Variants in ZNF728 observed in about 807,000 individuals in gnomAD.
The protein encoded by ZNF728 is zinc finger protein 728.
In ZNF728, 12 loss-of-function variants were observed where a neutral mutation model predicts 12.5. That is an observed-to-expected ratio of 0.96 (90% CI 0.61 to 1.55). The LOEUF (loss-of-function observed/expected upper bound fraction) is 1.55, where lower values mean the gene tolerates loss of function less well. ZNF728 is among the 40% of genes most tolerant of loss of function. The probability of loss-of-function intolerance (pLI) is 0.00; values close to 1 mark genes in which losing one functional copy is unlikely to be tolerated. For missense variants in ZNF728, 692 were observed against 719.2 expected (o/e 0.96, Z 0.43); for synonymous variants, 205 against 240.7 (o/e 0.85, Z 1.37).
At chr19:22,995,591 C>T (rs989461774) in intron 1 of ZNF728, 1 of 152,206 alleles carries the variant, frequency 6.6e-6, no homozygotes, top group Non-Finnish European at 1.5e-5. Context: ...GCACGCGCCA[C>T]CACACCCAGC....
intron 1 of ZNF728, among the ~76,000 whole-genome samples, chr19:22,990,509 C>A (rs1350965428): frequency 6.7e-6 from 1 of 149,816 alleles, no homozygotes; most frequent in African/African-American, 2.5e-5. Flanking sequence ...ATATGCTTTT[C>A]TTTATTTTGT....
At chr19:22,993,725 A>C (rs1247069064) in intron 1 of ZNF728, among the ~76,000 whole-genome samples, 1 of 152,214 alleles carries the variant, frequency 6.6e-6, no homozygotes, top group African/African-American at 2.4e-5. Context: ...AGGATATGGA[A>C]TACAGTGTCC....
intron 3 of ZNF728, among the ~76,000 whole-genome samples, chr19:22,981,917 A>G (rs1276942062): frequency 3.3e-5 from 5 of 152,160 alleles, no homozygotes; most frequent in Admixed American, 2.6e-4. Context: ...ACCCACAGAC[A>G]ATGTCATACT....
At chr19:23,000,885 A>AC (rs1678919987) in intron 1 of ZNF728, among the ~76,000 whole-genome samples, 1 of 116,306 alleles carries the variant, frequency 8.6e-6, no homozygotes, top group Non-Finnish European at 1.6e-5. Flanking sequence ...AAAAAAAAAA[A>AC]CCAAAAAAAA....
At chr19:22,993,953 AG>A (rs757746558) in intron 1 of ZNF728, among the ~76,000 whole-genome samples, 9 of 152,270 alleles carry the variant, frequency 5.9e-5, no homozygotes, top group Admixed American at 2.6e-4. Context: ...CTGCAAATTC[AG>A]GTCCTGCATG....
In ZNF728 at chr19:22,976,001, G is replaced by T. The variant is rs557869573; in HGVS notation, c.1336C>A (p.His446Asn). The part of the protein sequence containing the change: ...FSSLTKHKVI[H>N]TGEKHYKCEE... ...CATTTGTAGTGTTTCTCTCCAGTAT[G>T]AATTACTTTATGTTTAGTAAGGCTC... The change falls in exon 4 of 4, where the codon CAT becomes AAT. Residue 446 changes from histidine to asparagine, a missense_variant. His to Asn is a moderately conservative substitution (Grantham distance 68). Coordinates refer to ENST00000594710, the MANE Select transcript of ZNF728 (RefSeq NM_001267716.2). 6 of 1,611,862 alleles carry T rather than the reference G, an allele frequency of 3.7e-6. No individual in the cohort carries two copies. In the African/African-American group the frequency reaches 6.7e-5, roughly 18 times the overall value.
chr19:22,985,193 A>G (rs1464385535), intron 3 of ZNF728, among the ~76,000 whole-genome samples: 2 of 152,236 alleles, frequency 1.3e-5, no homozygotes, highest in Admixed American at 1.3e-4. Flanking sequence ...GAAATGAGTC[A>G]GCTGCAAAAA....
chr19:23,001,338 C>A (rs540399307), intron 1 of ZNF728, among the ~76,000 whole-genome samples: 52 of 152,136 alleles, frequency 3.4e-4, no homozygotes, highest in South Asian at 2.9e-3. Flanking sequence ...AGTAGCTTTC[C>A]AAAAAAACAG....
chr19:22,985,905 A>G (rs1225113404), intron 3 of ZNF728: 2 of 156,724 alleles, frequency 1.3e-5, no homozygotes, highest in Non-Finnish European at 2.8e-5. Flanking sequence ...CCACATCCTA[A>G]TATAAAGCCC....
At chr19:22,981,654 G>A (rs1391503816) in intron 3 of ZNF728, among the ~76,000 whole-genome samples, 2 of 152,254 alleles carry the variant, frequency 1.3e-5, no homozygotes, top group East Asian at 1.9e-4. Context: ...ACTGAATCCA[G>A]CAGCACATCA....
rs1968809472 is a variant in ZNF728, at chr19:22,976,846, T to TTA, written c.489_490dup (p.Lys164IlefsTer3). ...AAGTTTCTTTCCAGTATGCCTTATCTTATGTCTTTTTGAATTTGAACATTT... is the reference window on the plus strand; with the variant it reads ...AAGTTTCTTTCCAGTATGCCTTATCTTATATGTCTTTTTGAATTTGAACATTT... On this transcript the variant is annotated frameshift_variant, in exon 4 of 4. Coordinates refer to ENST00000594710, the MANE Select transcript of ZNF728 (RefSeq NM_001267716.2). LOFTEE classifies it low-confidence loss of function (END_TRUNC). 4.3e-6 allele frequency: 7 copies of TTA among 1,613,346 alleles called. No homozygotes were observed. Among genetic ancestry groups the TTA allele is most frequent in the South Asian group, 1.1e-5 (1 of 91,074 alleles).
At chr19:22,977,949 C>T (rs1568274180) in intron 3 of ZNF728, among the ~76,000 whole-genome samples, 1 of 151,614 alleles carries the variant, frequency 6.6e-6, no homozygotes. Flanking sequence ...TTGAATAATA[C>T]TCTGAGTGAA....
At chr19:22,980,607 C>G (rs1384706586) in intron 3 of ZNF728, among the ~76,000 whole-genome samples, 1 of 152,120 alleles carries the variant, frequency 6.6e-6, no homozygotes, top group African/African-American at 2.4e-5. Context: ...CACACTTATT[C>G]TAAAACTGAC....
intron 1 of ZNF728, 83 bp from the exon 2 acceptor site, chr19:22,988,534 G>A: frequency 6.4e-7 from 1 of 1,568,890 alleles, no homozygotes; most frequent in Non-Finnish European, 8.6e-7. Flanking sequence ...AATGGAAAGA[G>A]TAAAAAGAGC....
chr19:23,000,821 T>C (rs532301811), intron 1 of ZNF728, among the ~76,000 whole-genome samples: 47 of 144,030 alleles, frequency 3.3e-4, no homozygotes, highest in Admixed American at 3.2e-3. Flanking sequence ...TGAGCCAAGA[T>C]TGCACCACTG....
intron 1 of ZNF728, among the ~76,000 whole-genome samples, chr19:22,997,244 C>G (rs1969059617): frequency 6.6e-6 from 1 of 152,142 alleles, no homozygotes; most frequent in Admixed American, 6.5e-5. Flanking sequence ...AAACTGACCA[C>G]ACAATCAGAA....
At chr19:22,993,808 A>G (rs1969018105) in intron 1 of ZNF728, among the ~76,000 whole-genome samples, 1 of 152,194 alleles carries the variant, frequency 6.6e-6, no homozygotes, top group African/African-American at 2.4e-5. Flanking sequence ...ACATAGCTGA[A>G]AAAAAGGGAG....
chr19:22,987,010 C>T (rs1283728058), intron 3 of ZNF728, among the ~76,000 whole-genome samples: 1 of 151,822 alleles, frequency 6.6e-6, no homozygotes, highest in Non-Finnish European at 1.5e-5. Flanking sequence ...TCTGTGTCCA[C>T]AAAAACAAAA....
At chr19:23,000,096 T>C (rs1969091401) in intron 1 of ZNF728, among the ~76,000 whole-genome samples, 1 of 152,138 alleles carries the variant, frequency 6.6e-6, no homozygotes, top group Admixed American at 6.6e-5. Flanking sequence ...AGGCCAGGCA[T>C]GGTGGCTTAC....
Sources: gnomAD v4.1 joint callset for allele counts (sites outside exome capture counted in the v4.1 genomes callset) on GRCh38, gnomAD v4.1.1 for gene constraint, MANE v1.5 for transcripts, NCBI Gene and HGNC (gene_info 2026-07-23, HGNC 2026-07-21) for gene names.